Variants in UMAD1 observed in about 807,000 individuals in gnomAD.
UMAD1 encodes UBAP1-MVB12-associated (UMA)-domain containing protein 1.
In UMAD1, 8 loss-of-function variants were observed where a neutral mutation model predicts 6.1. The observed-to-expected ratio is 1.30, with a 90% CI of 0.76 to 2.35. The LOEUF (loss-of-function observed/expected upper bound fraction) is 2.35, where lower values mean the gene tolerates loss of function less well. Among genes scored for constraint, UMAD1 ranks in the 30% most tolerant of loss-of-function variants. The pLI, the probability that UMAD1 is intolerant of heterozygous loss-of-function variation, is 0.00. For synonymous variants in UMAD1, 56 were observed against 31.4 expected (o/e 1.78, Z -2.61); for missense variants, 130 against 78.4 (o/e 1.66, Z -2.49).
chr7:7,862,443 C>T (rs1784132922), intron 3 of UMAD1, among the ~76,000 whole-genome samples: 2 of 152,140 alleles, frequency 1.3e-5, no homozygotes, highest in African/African-American at 4.8e-5. Context: ...TGTTGCATTA[C>T]ATTCTGAAGA....
At chr7:7,662,699 G>A (rs1294101161) in intron 1 of UMAD1, among the ~76,000 whole-genome samples, 1 of 152,164 alleles carries the variant, frequency 6.6e-6, no homozygotes, top group South Asian at 2.1e-4. Context: ...TGGAAATTCA[G>A]AAATCTCCCG....
At chr7:7,751,582 T>C (rs1359293926) in intron 2 of UMAD1, among the ~76,000 whole-genome samples, 2 of 152,140 alleles carry the variant, frequency 1.3e-5, no homozygotes, top group African/African-American at 4.8e-5. Flanking sequence ...ATATTGAATG[T>C]TGTATATGAG....
intron 3 of UMAD1, among the ~76,000 whole-genome samples, chr7:7,859,436 G>A (rs1008398955): frequency 1.3e-5 from 2 of 152,114 alleles, no homozygotes; most frequent in Non-Finnish European, 2.9e-5. Context: ...TGAATTACGA[G>A]TATCTTTTCA....
intron 3 of UMAD1, among the ~76,000 whole-genome samples, chr7:7,858,145 T>C (rs901256435): frequency 6.6e-6 from 1 of 152,184 alleles, no homozygotes; most frequent in Non-Finnish European, 1.5e-5. Flanking sequence ...AAACAGTGAC[T>C]GGCAAGTAAG....
rs1050493749 is a variant in UMAD1, at chr7:7,789,073, A to G, written c.83-12597A>G. On this transcript the variant is annotated intron_variant, in intron 2 of 3. Transcript: ENST00000682710. ...CACTAACATTGTCAGTACTGGTGATATACATACAAGCAAACTTGCAGATAT... is the reference window on the plus strand; with the variant it reads ...CACTAACATTGTCAGTACTGGTGATGTACATACAAGCAAACTTGCAGATAT... Among the ~76,000 whole-genome samples, 3 of 152,350 alleles carry G rather than the reference A, an allele frequency of 2.0e-5. No homozygotes were observed. In the South Asian group the frequency reaches 6.2e-4, roughly 32 times the overall value.
At chr7:7,704,725 C>T (rs1780553257) in intron 2 of UMAD1, among the ~76,000 whole-genome samples, 1 of 137,846 alleles carries the variant, frequency 7.3e-6, no homozygotes, top group Non-Finnish European at 1.5e-5. Flanking sequence ...TGAGATCGCA[C>T]CACTGTACTC....
At position 7,689,649 on chromosome 7, in the gene UMAD1, C is replaced by T. The variant is rs1363035280; in HGVS notation, c.82+16196C>T. On this transcript the variant is annotated intron_variant, in intron 2 of 3. Coordinates refer to ENST00000682710, the MANE Select transcript of UMAD1 (RefSeq NM_001302348.2). ...CATGGAAATGTATTTATATGTATAT[C>T]TCAGTAAAGCTCTTCAGTCTGTGTC... is the stretch of plus-strand genomic sequence containing the variant. 3.3e-5 allele frequency among the ~76,000 whole-genome samples: 5 copies of T among 152,242 alleles called. No individual in the cohort carries two copies. In the South Asian group the frequency reaches 1.0e-3, roughly 32 times the overall value.
chr7:7,797,596 C>G (rs988853196), intron 2 of UMAD1, among the ~76,000 whole-genome samples: 5 of 152,150 alleles, frequency 3.3e-5, no homozygotes, highest in African/African-American at 9.7e-5. Context: ...ATTATTTCTC[C>G]CCTCAACCAT....
chr7:7,788,852 A>G (rs1421609401), intron 2 of UMAD1, among the ~76,000 whole-genome samples: 1 of 152,244 alleles, frequency 6.6e-6, no homozygotes, highest in Non-Finnish European at 1.5e-5. Context: ...TCCCATCTTC[A>G]GAGGAAATCT....
intron 2 of UMAD1, chr7:7,735,649 A>AT (rs1353617447): frequency 6.6e-6 from 1 of 152,394 alleles, no homozygotes; most frequent in East Asian, 1.9e-4. Context: ...ACCTCAGGTG[A>AT]TCCACCCACC....
At chr7:7,810,842 T>C (rs1012806358) in intron 3 of UMAD1, among the ~76,000 whole-genome samples, 3 of 152,238 alleles carry the variant, frequency 2.0e-5, no homozygotes, top group African/African-American at 7.2e-5. Context: ...GTTGGCACTT[T>C]GCTCCCTTGA....
At chr7:7,817,384 C>A (rs553194264) in intron 3 of UMAD1, among the ~76,000 whole-genome samples, 2 of 152,186 alleles carry the variant, frequency 1.3e-5, no homozygotes, top group Non-Finnish European at 2.9e-5. Context: ...TCAGACTAGA[C>A]AAAAGACAGA....
At chr7:7,819,161 T>C (rs1783193782) in intron 3 of UMAD1, among the ~76,000 whole-genome samples, 1 of 152,206 alleles carries the variant, frequency 6.6e-6, no homozygotes, top group South Asian at 2.1e-4. Flanking sequence ...TCTCCTCTTA[T>C]TTTTAAGCAG....
chr7:7,682,738 G>T (rs565545761), intron 2 of UMAD1, among the ~76,000 whole-genome samples: 1 of 152,146 alleles, frequency 6.6e-6, no homozygotes, highest in Non-Finnish European at 1.5e-5. Flanking sequence ...CCTTACCCAC[G>T]TATCGGGATA....
intron 3 of UMAD1, among the ~76,000 whole-genome samples, chr7:7,820,858 G>A (rs1430535539): frequency 6.6e-6 from 1 of 152,118 alleles, no homozygotes; most frequent in Non-Finnish European, 1.5e-5. Context: ...TTAGCAAATA[G>A]TAAAGATGTG....
intron 2 of UMAD1, among the ~76,000 whole-genome samples, chr7:7,757,087 G>T (rs868737591): frequency 1.3e-5 from 2 of 152,202 alleles, no homozygotes; most frequent in Admixed American, 1.3e-4. Context: ...ATTAACAGAT[G>T]AATGATGTAA....
At chr7:7,660,944 A>T (rs1472156369) in intron 1 of UMAD1, among the ~76,000 whole-genome samples, 1 of 152,106 alleles carries the variant, frequency 6.6e-6, no homozygotes, top group East Asian at 1.9e-4. Context: ...ACGCCAATCA[A>T]ATGTAGATTT....
intron 2 of UMAD1, among the ~76,000 whole-genome samples, chr7:7,681,750 G>T (rs189168999): frequency 2.0e-5 from 3 of 152,000 alleles, no homozygotes; most frequent in African/African-American, 7.2e-5. Context: ...TAATTACCAG[G>T]GTTTTCTCCT....
At chr7:7,840,503 C>CAGTGCCAAGCCAATTCTTCTTTT (rs1554334319) in intron 3 of UMAD1, among the ~76,000 whole-genome samples, 12 of 150,972 alleles carry the variant, frequency 7.9e-5, no homozygotes, top group African/African-American at 2.9e-4. Context: ...TGAATGTTGG[C>CAGTGCCAAGCCAATTCTTCTTTT]ATTGCCAAGC....
Sources: allele counts gnomAD v4.1 joint callset (sites outside exome capture counted in the v4.1 genomes callset), GRCh38; gene constraint gnomAD v4.1.1; transcripts MANE v1.5; gene names NCBI Gene and HGNC (gene_info 2026-07-23, HGNC 2026-07-21).